The following ZBTB40 variants were observed in gnomAD, a reference collection of about 807,000 sequenced individuals.
ZBTB40 encodes zinc finger and BTB domain containing 40.
In ZBTB40, 60 loss-of-function variants were observed where a neutral mutation model predicts 117.5. The ratio of observed to expected loss-of-function variants is 0.51; its 90% confidence interval spans 0.41 to 0.63. The LOEUF (loss-of-function observed/expected upper bound fraction) is 0.63, where lower values mean the gene tolerates loss of function less well. Among genes scored for constraint, ZBTB40 ranks in the 30% least tolerant of loss-of-function variants. The pLI is 0.00. For synonymous variants in ZBTB40, 525 were observed against 577.1 expected (o/e 0.91, Z 1.29); for missense variants, 1,287 against 1,498.5 (o/e 0.86, Z 2.33).
Position 22,508,670 on chromosome 1 carries a change from A to G in ZBTB40, c.1638A>G (p.Pro546=), listed in dbSNP as rs763330989. 22 of 1,614,214 alleles carry G rather than the reference A, an allele frequency of 1.4e-5. No homozygotes were observed. Among genetic ancestry groups the G allele is most frequent in the Admixed American group, 1.7e-5 (1 of 60,022 alleles). ...LLVVQETKTC[P]LDLLMEEIRR... is the part of the protein sequence containing the mutation. Reference sequence around the variant, plus strand: ...TGGTTCAGGAGACAAAGACCTGTCCATTGGACCTGCTCATGGAGGAAATAC... The same window carrying G: ...TGGTTCAGGAGACAAAGACCTGTCCGTTGGACCTGCTCATGGAGGAAATAC... The change falls in exon 8 of 18, where the codon CCA becomes CCG. Residue 546 remains proline, a synonymous_variant. Coordinates refer to ENST00000375647, the MANE Select transcript of ZBTB40 (RefSeq NM_014870.4).
rs370429218 is a variant in ZBTB40 at position 22,502,580 on chromosome 1, G to A, written c.1167+139G>A. 7.3e-5 allele frequency: 88 copies of A among 1,202,098 alleles called. 1 individual carries two copies. The African/African-American group carries it at 1.2e-3, about 16-fold the overall frequency. The allele number at this position is 1,202,098 out of a possible 1,614,324, so 74.5% of individuals were successfully genotyped here. On this transcript the variant is annotated intron_variant, in intron 5 of 17. Coordinates refer to ENST00000375647, the MANE Select transcript of ZBTB40 (RefSeq NM_014870.4). ...TAAGCATCTCGAAGTCAAGGTGCTT[G>A]TTTCATATCCTGTTGCATTCCTCGC...
Position 22,490,126 on chromosome 1 carries a change from T to A in ZBTB40, c.178T>A (p.Ser60Thr). 1 of 1,614,192 alleles carries A rather than the reference T, an allele frequency of 6.2e-7. No homozygotes were observed. Among genetic ancestry groups the A allele is most frequent in the Non-Finnish European group, 8.5e-7 (1 of 1,180,038 alleles). ...CCTGCTGGATAACACAGATACCATC[T>A]CCATCGATGCATCTGTGGTGAGCCC... The part of the protein sequence containing the change: ...KTLLDNTDTI[S>T]IDASVVSPEE... The change falls in exon 2 of 18, where the codon TCC (serine) becomes ACC (threonine). Residue 60 changes from serine to threonine, a missense_variant. By Grantham distance (58) the Ser-to-Thr change is moderately conservative. Transcript: ENST00000375647.
At chr1:22,429,406 C>T (rs115342658) in intron 1 of ZBTB40, among the ~76,000 whole-genome samples, 1 of 149,292 alleles carries the variant, frequency 6.7e-6, no homozygotes, top group Non-Finnish European at 1.5e-5. Context: ...GAAATTCTTA[C>T]TGATCGCAAA....
intron 1 of ZBTB40, among the ~76,000 whole-genome samples, chr1:22,469,615 G>A (rs1218980958): frequency 6.6e-6 from 1 of 152,050 alleles, no homozygotes; most frequent in African/African-American, 2.4e-5. Flanking sequence ...GGAGTGCAGT[G>A]GTGCGATCTT....
intron 1 of ZBTB40, among the ~76,000 whole-genome samples, chr1:22,470,616 G>A (rs1174886452): frequency 1.3e-5 from 2 of 152,226 alleles, no homozygotes; most frequent in African/African-American, 4.8e-5. Flanking sequence ...GGTACTCTGA[G>A]AGAAAGAGAC....
chr1:22,501,784 A>AT (rs1433743357), intron 4 of ZBTB40, 100 bp downstream of exon 4: 40 of 1,346,176 alleles, frequency 3.0e-5, no homozygotes, highest in Non-Finnish European at 3.6e-5. Context: ...CTTAGTTATT[A>AT]AGTGGTTTTC....
chr1:22,432,416 G>A (rs564190842), intron 1 of ZBTB40, among the ~76,000 whole-genome samples: 9 of 152,260 alleles, frequency 5.9e-5, no homozygotes, highest in South Asian at 2.1e-4. Context: ...CATCTGCTCC[G>A]TCTGTATTCT....
In ZBTB40 at chr1:22,523,502, A is replaced by G. The variant is rs1393805576; in HGVS notation, c.3299-716A>G. 3.3e-5 allele frequency among the ~76,000 whole-genome samples: 5 copies of G among 152,224 alleles called. No homozygotes were observed. In the East Asian group the frequency reaches 9.6e-4, roughly 29 times the overall value. ...TGTCAACAAGCATGTTTTTCCACAC[A>G]GTGTTTACTCTGCCATCAAGAACAT... On this transcript the variant is annotated intron_variant, in intron 16 of 17. Transcript: ENST00000375647.
chr1:22,465,503 C>A (rs1019573218), intron 1 of ZBTB40, among the ~76,000 whole-genome samples: 1 of 152,120 alleles, frequency 6.6e-6, no homozygotes, highest in Non-Finnish European at 1.5e-5. Context: ...CAGCCAGGCC[C>A]CCCAGCCTTC....
chr1:22,488,467 G>T (rs1393363039), intron 1 of ZBTB40, among the ~76,000 whole-genome samples: 1 of 152,178 alleles, frequency 6.6e-6, no homozygotes, highest in East Asian at 1.9e-4. Flanking sequence ...TCTGAGCAAA[G>T]GGCTGGTAGA....
chr1:22,450,523 A>G, upstream of ZBTB40, among the ~76,000 whole-genome samples: 1 of 152,214 alleles, frequency 6.6e-6, no homozygotes, highest in East Asian at 1.9e-4. Context: ...ACAACAGTGT[A>G]CCCTGAAGGG....
Position 22,509,132 on chromosome 1 carries a change from A to T in ZBTB40, c.1732A>T (p.Ile578Phe). Residue 578 changes from isoleucine (I) to phenylalanine (F), a missense_variant, in exon 9 of 18, where the codon ATC becomes TTC. This residue lies in a region of ZBTB40 where 870 missense variants were observed against 934.4 expected (regional missense o/e 0.93). Coordinates refer to ENST00000375647, the MANE Select transcript of ZBTB40 (RefSeq NM_014870.4). ...TTPEHATLETILRHNQLILEA... is the reference protein window; with the variant it reads ...TTPEHATLETFLRHNQLILEA... ...CCCAGAACATGCCACTTTAGAAACA[A>T]TCCTGAGGCATAACCAGTTGATCTT... The T allele has an allele frequency of 6.2e-7, 1 of 1,614,132 alleles. No homozygotes were observed. Among genetic ancestry groups the T allele is most frequent in the Non-Finnish European group, 8.5e-7 (1 of 1,180,032 alleles).
chr1:22,500,772 C>T (rs771449449), intron 3 of ZBTB40, among the ~76,000 whole-genome samples: 14 of 152,176 alleles, frequency 9.2e-5, no homozygotes, highest in Non-Finnish European at 1.6e-4. Flanking sequence ...ACATGTGAGT[C>T]ATATGTTCTT....
At chr1:22,469,914 CTT>C (rs1476280915) in intron 1 of ZBTB40, among the ~76,000 whole-genome samples, 3 of 152,122 alleles carry the variant, frequency 2.0e-5, no homozygotes, top group Non-Finnish European at 4.4e-5. Context: ...AGTTTTATGA[CTT>C]AAAGATAGTT....
chr1:22,489,904 T>C lies in ZBTB40; in HGVS notation c.-45T>C. 1 of 1,590,628 alleles carries C rather than the reference T, an allele frequency of 6.3e-7. No homozygotes were observed. The highest frequency in any genetic ancestry group is 8.6e-7 in the Non-Finnish European group (1 of 1,168,810). On this transcript the variant is annotated 5_prime_UTR_variant, in exon 2 of 18. Coordinates refer to ENST00000375647, the MANE Select transcript of ZBTB40 (RefSeq NM_014870.4). ...GGGCCTGTCCTCCCAAAGCCAACTCTAAGGAGAGGAGAGGAAGAGCAGTTC... is the reference window on the plus strand; with the variant it reads ...GGGCCTGTCCTCCCAAAGCCAACTCCAAGGAGAGGAGAGGAAGAGCAGTTC...
chr1:22,463,888 G>T (rs547208726), intron 1 of ZBTB40, among the ~76,000 whole-genome samples: 23 of 152,206 alleles, frequency 1.5e-4, no homozygotes, highest in Non-Finnish European at 3.2e-4. Context: ...TCTGGAAAAA[G>T]AAATTAATTG....
At chr1:22,517,192 C>A in intron 12 of ZBTB40, 108 bp from the exon 13 acceptor site, 1 of 1,499,500 alleles carries the variant, frequency 6.7e-7, no homozygotes, top group Non-Finnish European at 9.2e-7. Flanking sequence ...GTTTTAATGT[C>A]ATCTACCAGA....
chr1:22,437,259 G>A (rs1640681158), intron 1 of ZBTB40, among the ~76,000 whole-genome samples: 1 of 152,128 alleles, frequency 6.6e-6, no homozygotes. Context: ...GGAAACTAGT[G>A]CTGGGTAAGG....
chr1:22,501,584 T>A lies in ZBTB40; in HGVS notation c.924T>A (p.Thr308=). 6.2e-7 allele frequency: 1 copy of A among 1,614,136 alleles called. No homozygotes were observed. ...KVREESLDVQ[T]VVSLLRLYQY... Reference sequence around the variant, plus strand: ...GAGAGGAAAGCCTGGATGTTCAAACTGTTGTGTCCCTGTTGAGGCTGTACC... The same window carrying A: ...GAGAGGAAAGCCTGGATGTTCAAACAGTTGTGTCCCTGTTGAGGCTGTACC... Residue 308 remains threonine (T), a synonymous_variant, in exon 4 of 18, where the codon ACT becomes ACA. Transcript: ENST00000375647.
Sources: allele counts gnomAD v4.1 joint callset (sites outside exome capture counted in the v4.1 genomes callset), GRCh38; gene constraint gnomAD v4.1.1; regional missense constraint gnomAD v4.1.1; transcripts MANE v1.5; gene names NCBI Gene and HGNC (gene_info 2026-07-23, HGNC 2026-07-21).